Variants in STYXL1 observed in about 807,000 individuals in gnomAD.
STYXL1 encodes the protein serine/threonine/tyrosine-interacting-like protein 1.
Under a neutral mutation model 36.4 loss-of-function variants are expected in STYXL1, and 32 were observed. The observed-to-expected ratio is 0.88, with a 90% CI of 0.66 to 1.18. The LOEUF is 1.18. Among genes scored for constraint, STYXL1 ranks in the 50% most tolerant of loss-of-function variants. The probability of loss-of-function intolerance (pLI) is 0.00; values close to 1 mark genes in which losing one functional copy is unlikely to be tolerated. For missense variants in STYXL1, 354 were observed against 394.1 expected (o/e 0.90, Z 0.86); for synonymous variants, 133 against 144.1 (o/e 0.92, Z 0.55).
intron 1 of STYXL1, among the ~76,000 whole-genome samples, chr7:76,038,565 A>G (rs1479195489): frequency 2.0e-5 from 3 of 151,374 alleles, no homozygotes; most frequent in African/African-American, 4.9e-5. Flanking sequence ...AGCTGGGACT[A>G]CAGGCGTCTG....
intron 5 of STYXL1, among the ~76,000 whole-genome samples, chr7:76,012,703 T>C (rs553688350): frequency 6.6e-6 from 1 of 152,060 alleles, no homozygotes; most frequent in South Asian, 2.1e-4. Flanking sequence ...CTCCATTTAT[T>C]GATTTTTTTG....
intron 1 of STYXL1, among the ~76,000 whole-genome samples, chr7:76,031,148 G>A (rs1445256191): frequency 5.4e-5 from 8 of 149,360 alleles, no homozygotes; most frequent in South Asian, 4.2e-4. Flanking sequence ...GTGACAGAGC[G>A]AGACTCTGTC....
At chr7:76,009,364 T>C (rs537370169) in intron 5 of STYXL1, among the ~76,000 whole-genome samples, 1 of 141,948 alleles carries the variant, frequency 7.0e-6, no homozygotes, top group Admixed American at 7.7e-5. Flanking sequence ...GCCCCCTCTC[T>C]CTCCTATGCC....
intron 8 of STYXL1, among the ~76,000 whole-genome samples, chr7:75,998,321 T>C (rs921478221): frequency 2.0e-5 from 3 of 149,030 alleles, no homozygotes; most frequent in African/African-American, 7.4e-5. Flanking sequence ...TTTTTGAGAC[T>C]GAGTCTCACT....
intron 7 of STYXL1, among the ~76,000 whole-genome samples, chr7:76,003,479 A>G (rs937484825): frequency 6.6e-5 from 10 of 152,158 alleles, no homozygotes; most frequent in Admixed American, 6.5e-4. Context: ...TCATTTTACA[A>G]CAAGCCCAGA....
intron 2 of STYXL1, 138 bp from the exon 3 acceptor site, chr7:76,028,841 G>A (rs1162984328): frequency 3.7e-5 from 29 of 786,160 alleles, no homozygotes; most frequent in Non-Finnish European, 4.9e-5. Flanking sequence ...CTTGAGATGT[G>A]GGGCTGGGCG....
chr7:76,044,278 CTGAG>C (rs1355263459), intron 1 of STYXL1: 4 of 152,186 alleles, frequency 2.6e-5, no homozygotes, highest in Non-Finnish European at 5.9e-5. Flanking sequence ...CCTTAGCTTC[CTGAG>C]TAACTGGGAC....
chr7:76,013,914 TG>T, intron 4 of STYXL1, 27 bp from the exon 5 acceptor site: 1 of 1,588,578 alleles, frequency 6.3e-7, no homozygotes, highest in Non-Finnish European at 8.6e-7. Flanking sequence ...AAGACATGAA[TG>T]TCTCCTGTGT....
At chr7:76,035,468 T>C (rs1795824155) in intron 1 of STYXL1, among the ~76,000 whole-genome samples, 1 of 149,974 alleles carries the variant, frequency 6.7e-6, no homozygotes, top group African/African-American at 2.4e-5. Flanking sequence ...TGCAAAGTAA[T>C]AGTCAATGAA....
chr7:76,019,767 A>C (rs1229316555), intron 4 of STYXL1, among the ~76,000 whole-genome samples: 1 of 151,950 alleles, frequency 6.6e-6, no homozygotes, highest in African/African-American at 2.4e-5. Flanking sequence ...TCAAGACAGG[A>C]GCCAAAGCTC....
At chr7:76,022,831 G>A (rs1288195569) in intron 3 of STYXL1, among the ~76,000 whole-genome samples, 3 of 152,126 alleles carry the variant, frequency 2.0e-5, no homozygotes, top group African/African-American at 7.2e-5. Flanking sequence ...GGAGGCTGAG[G>A]TGGGAGGATC....
chr7:76,024,427 T>G (rs1190445572), intron 3 of STYXL1, among the ~76,000 whole-genome samples: 2 of 151,996 alleles, frequency 1.3e-5, no homozygotes, highest in East Asian at 1.9e-4. Flanking sequence ...AAGACCAGCC[T>G]GGGTAACATA....
At position 76,030,401 on chromosome 7, in the gene STYXL1, G is replaced by T; in HGVS notation, c.103+20C>A. On this transcript the variant is annotated intron_variant, in intron 2 of 8. Coordinates refer to ENST00000359697, the MANE Select transcript of STYXL1 (RefSeq NM_001317785.2). ...AAGGACACTGTGTTTGACCTCCTCCGCTTTTTTCCAAGTACTTACCCAATA... is the reference window on the plus strand; with the variant it reads ...AAGGACACTGTGTTTGACCTCCTCCTCTTTTTTCCAAGTACTTACCCAATA... 6.4e-7 allele frequency: 1 copy of T among 1,574,710 alleles called. No homozygotes were observed. The highest frequency in any genetic ancestry group is 8.7e-7 in the Non-Finnish European group (1 of 1,144,638).
At chr7:76,036,812 T>C (rs1795955322) in intron 1 of STYXL1, among the ~76,000 whole-genome samples, 1 of 116,468 alleles carries the variant, frequency 8.6e-6, no homozygotes, top group Non-Finnish European at 1.8e-5. Context: ...TGAGACGGAG[T>C]CCCACTCTGT....
At chr7:76,039,475 C>T (rs1465751102) in intron 1 of STYXL1, among the ~76,000 whole-genome samples, 1 of 152,052 alleles carries the variant, frequency 6.6e-6, no homozygotes, top group African/African-American at 2.4e-5. Flanking sequence ...TAATACAGTC[C>T]CAGGTCACAA....
intron 4 of STYXL1, 57 bp from the exon 5 acceptor site, chr7:76,013,944 G>T: frequency 6.6e-7 from 1 of 1,514,838 alleles, no homozygotes; most frequent in Non-Finnish European, 8.9e-7. Context: ...TTGGTCTAGA[G>T]CTGGGATAGA....
rs1327017691 is a variant in STYXL1, at chr7:76,000,917, G to A, written c.783C>T (p.Leu261=). Residue 261 remains leucine (L), a synonymous_variant, in exon 8 of 9, where the codon CTC becomes CTT. Transcript: ENST00000359697. ...GCAAGGTCTGCTCGTTACTATGCAT[G>A]AGGTAGGCTATGATGGCGGCACAAC... ...SRSCAAIIAY[L]MHSNEQTLQR... is the part of the protein sequence containing the mutation. 2 of 1,614,090 alleles carry A rather than the reference G, an allele frequency of 1.2e-6. No individual in the cohort carries two copies. The highest frequency in any genetic ancestry group is 1.7e-6 in the Non-Finnish European group (2 of 1,180,022).
At chr7:76,025,197 C>T (rs1794548203) in intron 3 of STYXL1, among the ~76,000 whole-genome samples, 1 of 149,396 alleles carries the variant, frequency 6.7e-6, no homozygotes, top group South Asian at 2.1e-4. Context: ...CTGGGAATGC[C>T]CTGAAGGCCT....
chr7:76,000,081 C>T (rs782634045), intron 8 of STYXL1, among the ~76,000 whole-genome samples: 7 of 151,668 alleles, frequency 4.6e-5, no homozygotes, highest in Non-Finnish European at 1.0e-4. Flanking sequence ...ATCCCAGCTA[C>T]GCGGGAGGCA....
Sources: gnomAD v4.1 joint callset for allele counts (sites outside exome capture counted in the v4.1 genomes callset) on GRCh38, gnomAD v4.1.1 for gene constraint, MANE v1.5 for transcripts, NCBI Gene and HGNC (gene_info 2026-07-23, HGNC 2026-07-21) for gene names.